Variants in MAF observed in about 807,000 individuals in gnomAD.
MAF encodes MAF bZIP transcription factor.
Under a neutral mutation model 22.0 loss-of-function variants are expected in MAF, and 10 were observed. The observed-to-expected ratio is 0.45, with a 90% CI of 0.28 to 0.77. The LOEUF (loss-of-function observed/expected upper bound fraction) is 0.77. Among genes scored for constraint, MAF ranks in the 30% least tolerant of loss-of-function variants. The pLI is 0.12. For missense variants in MAF, 544 were observed against 548.4 expected, an observed-to-expected ratio of 0.99 and a Z score of 0.08; for synonymous variants, 337 against 255.8, an observed-to-expected ratio of 1.32 and a Z score of -3.03.
the MAF span, among the ~76,000 whole-genome samples, chr16:79,411,166 G>C: frequency 2.6e-5 from 4 of 152,104 alleles, no homozygotes; most frequent in Non-Finnish European, 5.9e-5. Context: ...TAATGTCCTT[G>C]ATTTTGTTCG....
At chr16:79,505,597 C>G in the MAF span, 3 of 152,352 alleles carry the variant, frequency 2.0e-5, no homozygotes, top group Non-Finnish European at 4.4e-5. Context: ...GGAGACAATG[C>G]AGATTTCAGG....
At chr16:79,378,353 A>T in the MAF span, among the ~76,000 whole-genome samples, 1 of 152,226 alleles carries the variant, frequency 6.6e-6, no homozygotes, top group Non-Finnish European at 1.5e-5. Context: ...AAGAGAAAAA[A>T]GGAAGCCCAT....
At chr16:79,441,480 G>C in the MAF span, among the ~76,000 whole-genome samples, 2 of 152,220 alleles carry the variant, frequency 1.3e-5, no homozygotes, top group African/African-American at 4.8e-5. Context: ...AGTGGCCACA[G>C]ACAACAGGTG....
At chr16:79,414,183 T>C in the MAF span, among the ~76,000 whole-genome samples, 3 of 152,160 alleles carry the variant, frequency 2.0e-5, no homozygotes, top group African/African-American at 7.2e-5. Flanking sequence ...AGTGTGAGAG[T>C]GTCTTGGTCC....
At chr16:79,391,821 T>G in the MAF span, among the ~76,000 whole-genome samples, 1 of 148,366 alleles carries the variant, frequency 6.7e-6, no homozygotes, top group Non-Finnish European at 1.5e-5. Flanking sequence ...CCTTTCCCAG[T>G]AATGAGGCAT....
chr16:79,409,760 A>T, the MAF span, among the ~76,000 whole-genome samples: 240 of 152,318 alleles, frequency 1.6e-3, 3 homozygotes, highest in East Asian at 0.038. Context: ...TTAGAAGGCC[A>T]TCCCTACTCT....
At chr16:79,445,027 A>G in the MAF span, among the ~76,000 whole-genome samples, 1 of 151,932 alleles carries the variant, frequency 6.6e-6, no homozygotes, top group African/African-American at 2.4e-5. Context: ...ATAAAGATTT[A>G]TTTATTTATT....
chr16:79,248,117 T>C, the MAF span, among the ~76,000 whole-genome samples: 1 of 152,144 alleles, frequency 6.6e-6, no homozygotes, highest in African/African-American at 2.4e-5. Flanking sequence ...ATTGATTCAT[T>C]TTCTTTGGAT....
At chr16:79,531,880 G>A in the MAF span, among the ~76,000 whole-genome samples, 1 of 152,106 alleles carries the variant, frequency 6.6e-6, no homozygotes. Context: ...GCATCAGTGA[G>A]ATCTAGAAGG....
chr16:79,361,397 A>G, the MAF span, among the ~76,000 whole-genome samples: 1 of 152,198 alleles, frequency 6.6e-6, no homozygotes, highest in Non-Finnish European at 1.5e-5. Flanking sequence ...GAACTTCTCA[A>G]TAATGTATCA....
the MAF span, among the ~76,000 whole-genome samples, chr16:79,399,375 C>T: frequency 3.3e-5 from 5 of 152,178 alleles, no homozygotes; most frequent in Non-Finnish European, 7.3e-5. Flanking sequence ...GGAGGGAGCA[C>T]TGCTCACCCT....
At chr16:79,346,461 G>C in the MAF span, among the ~76,000 whole-genome samples, 1 of 151,938 alleles carries the variant, frequency 6.6e-6, no homozygotes, top group South Asian at 2.1e-4. Flanking sequence ...ATGATACTCT[G>C]AAATCAGAAG....
At chr16:79,313,866 T>C in the MAF span, among the ~76,000 whole-genome samples, 2 of 152,262 alleles carry the variant, frequency 1.3e-5, no homozygotes, top group African/African-American at 4.8e-5. Context: ...TCCTCTAGCT[T>C]TGGAAAGTCT....
the MAF span, among the ~76,000 whole-genome samples, chr16:79,336,110 C>A: frequency 6.6e-6 from 1 of 152,196 alleles, no homozygotes; most frequent in African/African-American, 2.4e-5. Context: ...CTTTACCCAG[C>A]TCTCCAAGGT....
chr16:79,287,170 G>T, the MAF span, among the ~76,000 whole-genome samples: 1 of 149,950 alleles, frequency 6.7e-6, no homozygotes. Flanking sequence ...TGAAATGACT[G>T]AGGGTGGTTA....
the MAF span, among the ~76,000 whole-genome samples, chr16:79,257,620 C>G: frequency 2.0e-5 from 3 of 152,296 alleles, no homozygotes; most frequent in East Asian, 5.8e-4. Context: ...TACTTAATGT[C>G]TCTGTGCCTT....
At chr16:79,289,519 C>G in the MAF span, among the ~76,000 whole-genome samples, 1 of 152,102 alleles carries the variant, frequency 6.6e-6, no homozygotes, top group South Asian at 2.1e-4. Flanking sequence ...TTGATTAATT[C>G]GCAGAACATT....
chr16:79,586,912 A>G (rs1053778292), intron 1 of MAF, among the ~76,000 whole-genome samples: 7 of 152,260 alleles, frequency 4.6e-5, no homozygotes, highest in Admixed American at 1.3e-4. Context: ...TCTTTTTCCA[A>G]CATGGATATT....
the MAF span, among the ~76,000 whole-genome samples, chr16:79,427,618 G>T: frequency 9.2e-5 from 14 of 152,082 alleles, no homozygotes; most frequent in African/African-American, 2.2e-4. Flanking sequence ...CCCTTACCCC[G>T]AAGGCCCTCT....
Sources: allele counts gnomAD v4.1 joint callset (sites outside exome capture counted in the v4.1 genomes callset), GRCh38; gene constraint gnomAD v4.1.1; transcripts MANE v1.5; gene names NCBI Gene and HGNC (gene_info 2026-07-23, HGNC 2026-07-21).